Variants in FCHSD2 observed in about 807,000 individuals in gnomAD.
FCHSD2 encodes the protein FCH and double SH3 domains 2, also known as F-BAR and double SH3 domains protein 2.
FCHSD2 carries 38 observed loss-of-function variants against 108.1 expected under a neutral mutation model. The ratio of observed to expected loss-of-function variants is 0.35; its 90% confidence interval spans 0.27 to 0.46. FCHSD2 has a LOEUF of 0.46. Ranked by LOEUF, FCHSD2 falls within the 20% of genes least tolerant of loss-of-function variation. FCHSD2 has a pLI of 1.00. For missense variants in FCHSD2, 751 were observed against 897.8 expected (o/e 0.84, Z 2.09); for synonymous variants, 279 against 314.7 (o/e 0.89, Z 1.20).
At chr11:73,102,640 C>T (rs1048990001) in intron 2 of FCHSD2, among the ~76,000 whole-genome samples, 3 of 152,172 alleles carry the variant, frequency 2.0e-5, no homozygotes, top group African/African-American at 7.2e-5. Context: ...GCCATGAGGG[C>T]TCTGCCCTCA....
intron 3 of FCHSD2, among the ~76,000 whole-genome samples, chr11:73,017,789 C>A (rs944537643): frequency 1.3e-5 from 2 of 152,158 alleles, no homozygotes; most frequent in African/African-American, 4.8e-5. Flanking sequence ...TCACCCCTCC[C>A]TTTTAATCTG....
chr11:73,127,574 C>T (rs1860888098), intron 2 of FCHSD2, among the ~76,000 whole-genome samples: 1 of 152,152 alleles, frequency 6.6e-6, no homozygotes, highest in Admixed American at 6.6e-5. Flanking sequence ...AGAATGGCAT[C>T]TGTGGGGCTC....
rs528428539 is a variant in FCHSD2, at chr11:72,928,268, A to G, written c.706-6318T>C. On this transcript the variant is annotated intron_variant, in intron 8 of 19. Transcript: ENST00000409418. ...AAAAAATTCCACAAAATTTTTTTCA[A>G]TGGCTCCCACTGTATATTTTGCAAA... Among the ~76,000 whole-genome samples the G allele has an allele frequency of 2.6e-5, 4 of 152,250 alleles. No individual in the cohort carries two copies. The East Asian group carries it at 5.8e-4, about 22-fold the overall frequency.
intron 2 of FCHSD2, among the ~76,000 whole-genome samples, chr11:73,093,958 C>T (rs1412212050): frequency 1.3e-5 from 2 of 151,234 alleles, no homozygotes; most frequent in African/African-American, 4.8e-5. Context: ...TGCCTGTAAT[C>T]CCAATACTTT....
chr11:72,998,240 T>C (rs568912121), intron 5 of FCHSD2, among the ~76,000 whole-genome samples: 1 of 152,284 alleles, frequency 6.6e-6, no homozygotes, highest in African/African-American at 2.4e-5. Context: ...TCAAGGTAGA[T>C]TGTAGTAAGT....
chr11:72,971,025 G>C (rs1353324665), intron 8 of FCHSD2, among the ~76,000 whole-genome samples: 1 of 152,176 alleles, frequency 6.6e-6, no homozygotes, highest in African/African-American at 2.4e-5. Flanking sequence ...AGTTTCTCTA[G>C]CTGATGTGAG....
At chr11:72,889,698 GC>G in intron 11 of FCHSD2, 130 bp downstream of exon 11, 1 of 611,808 alleles carries the variant, frequency 1.6e-6, no homozygotes, top group South Asian at 2.0e-5. Flanking sequence ...GGGTGACAGA[GC>G]AAGCCTCTTG....
intron 8 of FCHSD2, among the ~76,000 whole-genome samples, chr11:72,971,173 G>C (rs555224908): frequency 6.6e-6 from 1 of 151,788 alleles, no homozygotes; most frequent in African/African-American, 2.4e-5. Flanking sequence ...AACTGGAACA[G>C]GTCAAAATAT....
At chr11:72,849,671 A>C in intron 14 of FCHSD2, 84 bp downstream of exon 14, 1 of 1,071,090 alleles carries the variant, frequency 9.3e-7, no homozygotes, top group Non-Finnish European at 1.4e-6. Flanking sequence ...TGCTAAGTAC[A>C]GCTTGAGAGA....
At position 73,039,194 on chromosome 11, in the gene FCHSD2, A is replaced by C. The variant is rs76615529; in HGVS notation, c.166-23309T>G. Among the ~76,000 whole-genome samples, 689 of 152,222 alleles carry C rather than the reference A, an allele frequency of 4.5e-3. 4 individuals are homozygous for C. The highest frequency in any genetic ancestry group is 0.01 in the Middle Eastern group (3 of 294). On this transcript the variant is annotated intron_variant, in intron 3 of 19. Coordinates refer to ENST00000409418, the MANE Select transcript of FCHSD2 (RefSeq NM_014824.3). The stretch of plus-strand genomic sequence containing the variant: ...CTCACTGGGAGTAAGCAATTCCTTT[A>C]GGATTCCTCATAAACCTACCTCCAT...
At chr11:72,927,823 T>C (rs1856107018) in intron 8 of FCHSD2, among the ~76,000 whole-genome samples, 1 of 152,144 alleles carries the variant, frequency 6.6e-6, no homozygotes, top group East Asian at 1.9e-4. Flanking sequence ...AGAGCACCAA[T>C]AGGTACTGTT....
chr11:72,968,176 G>T (rs1856948666), intron 8 of FCHSD2, among the ~76,000 whole-genome samples: 1 of 152,068 alleles, frequency 6.6e-6, no homozygotes, highest in African/African-American at 2.4e-5. Flanking sequence ...TATCCTAAGG[G>T]CGATAAGAAG....
At chr11:73,141,617 T>G (rs1861250399) in intron 1 of FCHSD2, among the ~76,000 whole-genome samples, 1 of 151,768 alleles carries the variant, frequency 6.6e-6, no homozygotes, top group African/African-American at 2.4e-5. Context: ...CACCCGAAAC[T>G]CTTGTGAAAT....
At chr11:72,918,919 T>C (rs1565322751) in intron 9 of FCHSD2, among the ~76,000 whole-genome samples, 1 of 152,096 alleles carries the variant, frequency 6.6e-6, no homozygotes, top group Non-Finnish European at 1.5e-5. Context: ...CAGTTACATA[T>C]ACAAAGCATT....
At chr11:73,115,513 C>T (rs1345239839) in intron 2 of FCHSD2, among the ~76,000 whole-genome samples, 2 of 152,142 alleles carry the variant, frequency 1.3e-5, no homozygotes, top group South Asian at 2.1e-4. Context: ...TCTATACTTT[C>T]GTGTCGTTTT....
intron 10 of FCHSD2, among the ~76,000 whole-genome samples, chr11:72,895,724 C>G (rs928277951): frequency 6.6e-6 from 1 of 152,174 alleles, no homozygotes; most frequent in Admixed American, 6.5e-5. Context: ...AGGACAACCA[C>G]TACGAACACT....
intron 10 of FCHSD2, among the ~76,000 whole-genome samples, chr11:72,891,106 T>G (rs1202062810): frequency 6.6e-6 from 1 of 151,918 alleles, no homozygotes; most frequent in African/African-American, 2.4e-5. Context: ...CTTCTAGAGA[T>G]AAGGTCTCAC....
intron 12 of FCHSD2, among the ~76,000 whole-genome samples, chr11:72,879,158 A>G (rs1855029216): frequency 6.6e-6 from 1 of 152,158 alleles, no homozygotes; most frequent in Non-Finnish European, 1.5e-5. Context: ...TTACAACTCT[A>G]TCCAGCCAGA....
rs72982844 is a variant in FCHSD2, at chr11:72,999,878, C to A, written c.387+1112G>T. On this transcript the variant is annotated intron_variant, in intron 5 of 19. Transcript: ENST00000409418. The stretch of plus-strand genomic sequence containing the variant: ...TTCTGCACAATCAGACACACACACA[C>A]ACACACACAAACACACACACACACA... Among the ~76,000 whole-genome samples the A allele has an allele frequency of 2.6e-3, 171 of 66,960 alleles. 1 individual carries two copies. The highest frequency in any genetic ancestry group is 0.015 in the East Asian group (33 of 2,198). The allele number at this position is 66,960 out of a possible 152,430, so 43.9% of individuals were successfully genotyped here.
Sources: allele counts gnomAD v4.1 joint callset (sites outside exome capture counted in the v4.1 genomes callset), GRCh38; gene constraint gnomAD v4.1.1; transcripts MANE v1.5; gene names NCBI Gene and HGNC (gene_info 2026-07-23, HGNC 2026-07-21).